Variants in CSMD1 observed in about 807,000 individuals in gnomAD.
CSMD1 encodes the protein CUB and sushi domain-containing protein 1.
A neutral mutation model predicts 417.5 loss-of-function variants in CSMD1; 213 were observed. That is an observed-to-expected ratio of 0.51 (90% CI 0.46 to 0.57). The LOEUF (loss-of-function observed/expected upper bound fraction) is 0.57. Among genes scored for constraint, CSMD1 ranks in the 20% least tolerant of loss-of-function variants. CSMD1 has a pLI of 0.00. For synonymous variants in CSMD1, 2,862 were observed against 1,736.8 expected (o/e 1.65, Z -16.11); for missense variants, 6,923 against 4,529.7 (o/e 1.53, Z -15.17).
intron 9 of CSMD1, 103 bp from the exon 10 acceptor site, chr8:3,575,169 GTAA>G (rs1268639803): frequency 4.2e-6 from 3 of 706,354 alleles, no homozygotes; most frequent in Admixed American, 5.9e-5. Context: ...TCTAATCACA[GTAA>G]AAAAAAAAAA....
intron 5 of CSMD1, among the ~76,000 whole-genome samples, chr8:3,814,219 C>G (rs1364466559): frequency 6.6e-6 from 1 of 152,312 alleles, no homozygotes; most frequent in African/African-American, 2.4e-5. Context: ...AGCTCATCAG[C>G]TCGTCTGCAT....
intron 9 of CSMD1, among the ~76,000 whole-genome samples, chr8:3,585,004 G>T (rs893761955): frequency 6.6e-6 from 1 of 152,146 alleles, no homozygotes; most frequent in Non-Finnish European, 1.5e-5. Flanking sequence ...ACCAGAGATT[G>T]CTGACTCTCC....
chr8:4,477,884 T>C (rs931146126), intron 2 of CSMD1, among the ~76,000 whole-genome samples: 7 of 152,250 alleles, frequency 4.6e-5, no homozygotes, highest in Middle Eastern at 6.3e-3. Flanking sequence ...ATAATCCTCA[T>C]TTATAACTGG....
At chr8:3,563,654 G>C (rs7834268) in intron 10 of CSMD1, among the ~76,000 whole-genome samples, 2 of 152,214 alleles carry the variant, frequency 1.3e-5, no homozygotes, top group Non-Finnish European at 1.5e-5. Flanking sequence ...ACTTTGGGAG[G>C]CTGAGGCGGG....
chr8:3,854,434 TC>T (rs1198942583), intron 5 of CSMD1, among the ~76,000 whole-genome samples: 13 of 152,108 alleles, frequency 8.5e-5, no homozygotes, highest in African/African-American at 3.1e-4. Context: ...TTTAAGAATA[TC>T]CAAACAGTAC....
chr8:3,457,451 A>G (rs1816224850), intron 12 of CSMD1, among the ~76,000 whole-genome samples: 1 of 152,206 alleles, frequency 6.6e-6, no homozygotes, highest in South Asian at 2.1e-4. Flanking sequence ...ACGGAGCTCC[A>G]CATGCTCACA....
At chr8:4,613,824 T>C (rs1373666464) in intron 2 of CSMD1, among the ~76,000 whole-genome samples, 2 of 148,608 alleles carry the variant, frequency 1.3e-5, no homozygotes, top group South Asian at 2.1e-4. Context: ...GGTTCAATGA[T>C]GGTGTTATTT....
At chr8:4,221,035 C>T (rs1801000519) in intron 3 of CSMD1, among the ~76,000 whole-genome samples, 1 of 152,208 alleles carries the variant, frequency 6.6e-6, no homozygotes, top group South Asian at 2.1e-4. Flanking sequence ...AGTGATTGTC[C>T]AGCTTTTCCC....
chr8:4,430,349 G>T (rs77535557), intron 2 of CSMD1, among the ~76,000 whole-genome samples: 185 of 152,150 alleles, frequency 1.2e-3, no homozygotes, highest in African/African-American at 4.1e-3. Context: ...TTCCTAAAAG[G>T]CTTACATCAT....
At chr8:3,044,223 G>A (rs1484828981) in intron 50 of CSMD1, among the ~76,000 whole-genome samples, 1 of 152,192 alleles carries the variant, frequency 6.6e-6, no homozygotes, top group Admixed American at 6.5e-5. Flanking sequence ...CATATGTGAA[G>A]CTGACACTAC....
chr8:4,646,555 T>A (rs542591709), intron 1 of CSMD1, among the ~76,000 whole-genome samples: 2 of 152,344 alleles, frequency 1.3e-5, no homozygotes, highest in South Asian at 4.1e-4. Context: ...AAACTACCAG[T>A]TGCCTGATTC....
At chr8:4,536,092 A>G (rs1797088851) in intron 2 of CSMD1, among the ~76,000 whole-genome samples, 1 of 152,184 alleles carries the variant, frequency 6.6e-6, no homozygotes, top group South Asian at 2.1e-4. Context: ...TAAGTCAGTA[A>G]ATCTGATTAC....
At chr8:4,302,994 G>A (rs1003896862) in intron 3 of CSMD1, among the ~76,000 whole-genome samples, 1 of 151,920 alleles carries the variant, frequency 6.6e-6, no homozygotes, top group Non-Finnish European at 1.5e-5. Context: ...ATATCAAATA[G>A]ACACAAAATC....
At chr8:3,566,622 T>C (rs929547136) in intron 10 of CSMD1, among the ~76,000 whole-genome samples, 23 of 151,776 alleles carry the variant, frequency 1.5e-4, no homozygotes, top group African/African-American at 5.6e-4. Flanking sequence ...GGCAAAGATA[T>C]GAACAGACAC....
chr8:3,661,150 G>C (rs1043657776), intron 7 of CSMD1, among the ~76,000 whole-genome samples: 5 of 152,126 alleles, frequency 3.3e-5, no homozygotes, highest in Admixed American at 2.0e-4. Context: ...CCGTACTTTC[G>C]TATATGACTC....
At chr8:4,469,001 C>G (rs1563208774) in intron 2 of CSMD1, among the ~76,000 whole-genome samples, 2 of 151,966 alleles carry the variant, frequency 1.3e-5, no homozygotes, top group South Asian at 2.1e-4. Flanking sequence ...ATCAGAGACT[C>G]TAAAAGGAAA....
chr8:4,020,730 A>T (rs1487126534), intron 4 of CSMD1, among the ~76,000 whole-genome samples: 1 of 152,200 alleles, frequency 6.6e-6, no homozygotes, highest in Admixed American at 6.5e-5. Context: ...GTCTTCTGTA[A>T]TCTTCATTCA....
chr8:2,957,299 G>C (rs1235509612), intron 63 of CSMD1, among the ~76,000 whole-genome samples: 1 of 152,158 alleles, frequency 6.6e-6, no homozygotes, highest in African/African-American at 2.4e-5. Flanking sequence ...AATATCCTAG[G>C]AGAATAATAG....
At chr8:3,967,477 G>A (rs1006590945) in intron 5 of CSMD1, among the ~76,000 whole-genome samples, 1 of 150,648 alleles carries the variant, frequency 6.6e-6, no homozygotes, top group Non-Finnish European at 1.5e-5. Flanking sequence ...AAAACAGATG[G>A]AAAGTTGTTG....
Sources: allele counts gnomAD v4.1 joint callset (sites outside exome capture counted in the v4.1 genomes callset), GRCh38; gene constraint gnomAD v4.1.1; transcripts MANE v1.5; gene names NCBI Gene and HGNC (gene_info 2026-07-23, HGNC 2026-07-21).